Variants in MBP observed in about 807,000 individuals in gnomAD.
MBP encodes myelin basic protein.
MBP carries 16 observed loss-of-function variants against 35.8 expected under a neutral mutation model. That is an observed-to-expected ratio of 0.45 (90% CI 0.30 to 0.68). MBP has a LOEUF of 0.68. Among genes scored for constraint, MBP ranks in the 30% least tolerant of loss-of-function variants. The probability of loss-of-function intolerance (pLI) is 0.08; values close to 1 mark genes in which losing one functional copy is unlikely to be tolerated. For missense variants in MBP, 380 were observed against 404.7 expected, an observed-to-expected ratio of 0.94 and a Z score of 0.52; for synonymous variants, 143 against 159.6, an observed-to-expected ratio of 0.90 and a Z score of 0.78.
chr18:77,029,254 T>C (rs958110425), intron 3 of MBP, among the ~76,000 whole-genome samples: 15 of 148,078 alleles, frequency 1.0e-4, no homozygotes, highest in African/African-American at 3.7e-4. Flanking sequence ...ACCAAAAAAA[T>C]ACGAAAACCA....
chr18:77,015,375 C>T (rs1225740119), intron 4 of MBP: 4 of 985,162 alleles, frequency 4.1e-6, no homozygotes, highest in South Asian at 4.7e-5. Flanking sequence ...TTGGGCAACC[C>T]GAATCCATAC....
Position 77,044,510 on chromosome 18 carries a change from C to T in MBP, c.139+21788G>A, listed in dbSNP as rs143378212. Among the ~76,000 whole-genome samples the T allele has an allele frequency of 1.5e-3, 223 of 152,190 alleles. 2 individuals are homozygous for T. Among genetic ancestry groups the T allele is most frequent in the African/African-American group, 5.2e-3 (215 of 41,522 alleles). Reference sequence around the variant, plus strand: ...CTCTCCCTGTACAGGCCTTCCTGACCCCTCGTCCCTGGAAAGCCCTCTCCA... The same window carrying T: ...CTCTCCCTGTACAGGCCTTCCTGACTCCTCGTCCCTGGAAAGCCCTCTCCA... On this transcript the variant is annotated intron_variant, in intron 3 of 8. Coordinates refer to ENST00000355994, the MANE Select transcript of MBP (RefSeq NM_001025101.2). The surrounding 1 kb of genome is among the most constrained non-coding windows in gnomAD (Gnocchi z 4.4).
At chr18:77,106,717 G>A (rs1210681230) in intron 1 of MBP, among the ~76,000 whole-genome samples, 1 of 152,164 alleles carries the variant, frequency 6.6e-6, no homozygotes, top group East Asian at 1.9e-4. Context: ...GCAAGAATCA[G>A]GTGCCTTCCC....
intron 2 of MBP, among the ~76,000 whole-genome samples, chr18:77,075,123 C>T (rs1974601033): frequency 6.6e-6 from 1 of 152,222 alleles, no homozygotes; most frequent in African/African-American, 2.4e-5. Context: ...GAAAGGGCTT[C>T]TGTCACGGCA....
At chr18:77,018,351 TC>T in intron 3 of MBP, among the ~76,000 whole-genome samples, 1 of 110,304 alleles carries the variant, frequency 9.1e-6, no homozygotes. Flanking sequence ...TATCCATCCA[TC>T]CATACACATA....
chr18:77,087,813 A>G (rs920027969), intron 2 of MBP, among the ~76,000 whole-genome samples: 39 of 151,932 alleles, frequency 2.6e-4, no homozygotes, highest in African/African-American at 8.9e-4. Context: ...GTCCCGGGGC[A>G]GCTGGGAGCA....
At chr18:77,035,008 C>T (rs1258939722) in intron 3 of MBP, among the ~76,000 whole-genome samples, 1 of 152,222 alleles carries the variant, frequency 6.6e-6, no homozygotes, top group East Asian at 1.9e-4. Context: ...TTCAAGACTC[C>T]TCAGGGGCTT....
At chr18:77,104,732 A>G (rs999240772) in intron 2 of MBP, among the ~76,000 whole-genome samples, 47 of 147,732 alleles carry the variant, frequency 3.2e-4, no homozygotes, top group Non-Finnish European at 5.7e-4. Context: ...AAAAATAAAA[A>G]TGTTAAAAAA....
intron 3 of MBP, among the ~76,000 whole-genome samples, chr18:77,063,348 T>C (rs1457734891): frequency 1.3e-5 from 2 of 152,128 alleles, no homozygotes; most frequent in Non-Finnish European, 2.9e-5. Flanking sequence ...CACTTGGGAT[T>C]GTTGCTGCTA....
intron 3 of MBP, among the ~76,000 whole-genome samples, chr18:77,018,468 TCCATCCATCCACATATCAGTCCATTTAC>T (rs1272023851): frequency 6.9e-6 from 1 of 143,944 alleles, no homozygotes; most frequent in Non-Finnish European, 1.5e-5. Flanking sequence ...CCATTCGTCA[TCCATCCATCCACATATCAGTCCATTTAC>T]CCATCCATCC....
rs373529392 is a variant in MBP at position 77,067,049 on chromosome 18, G to A, written c.52-664C>T. Among the ~76,000 whole-genome samples the A allele has an allele frequency of 2.6e-5, 4 of 152,356 alleles. No homozygotes were observed. The East Asian group carries it at 5.8e-4, about 22-fold the overall frequency. On this transcript the variant is annotated intron_variant, in intron 2 of 8. Transcript: ENST00000355994. ...GTTTAAAGTTTTCAGTACATAGTTT[G>A]ATCACCAGTGCAGAGAGAAGACATG...
chr18:77,035,172 G>A (rs1972707872), intron 3 of MBP, among the ~76,000 whole-genome samples: 1 of 152,166 alleles, frequency 6.6e-6, no homozygotes, highest in South Asian at 2.1e-4. Context: ...TGCTTCTCCA[G>A]GTGGCTGCTT....
chr18:77,096,645 G>C (rs1350388579), intron 2 of MBP, among the ~76,000 whole-genome samples: 1 of 152,088 alleles, frequency 6.6e-6, no homozygotes, highest in Non-Finnish European at 1.5e-5. Context: ...GAACCTTTTT[G>C]AGCCTGATAT....
chr18:77,027,748 CT>C, intron 3 of MBP, among the ~76,000 whole-genome samples: 1 of 152,308 alleles, frequency 6.6e-6, no homozygotes, highest in East Asian at 1.9e-4. Context: ...AGTGCAGTGG[CT>C]TGATAATAGC....
intron 1 of MBP, among the ~76,000 whole-genome samples, chr18:77,124,413 A>AT (rs1976979384): frequency 1.3e-5 from 2 of 152,210 alleles, no homozygotes; most frequent in Admixed American, 1.3e-4. Context: ...AATCGCTAGA[A>AT]TAACTCTTCT....
chr18:77,097,824 C>T (rs950671508), intron 2 of MBP, among the ~76,000 whole-genome samples: 12 of 152,116 alleles, frequency 7.9e-5, no homozygotes, highest in African/African-American at 2.7e-4. Flanking sequence ...CTGGGTGGAG[C>T]CGGTATTAGG....
chr18:77,106,487 G>A (rs1323741260), intron 1 of MBP, among the ~76,000 whole-genome samples: 1 of 152,098 alleles, frequency 6.6e-6, no homozygotes, highest in Non-Finnish European at 1.5e-5. Flanking sequence ...CCTCCCTCAC[G>A]TGTGTGGGAG....
chr18:77,056,594 A>T (rs79126682), intron 3 of MBP, among the ~76,000 whole-genome samples: 25,876 of 152,136 alleles, frequency 0.17, 2,508 homozygotes, highest in Middle Eastern at 0.26. Flanking sequence ...ACCGGCCTCC[A>T]TCCGATGTCC....
At chr18:77,117,606 TAA>T (rs886561449) in intron 1 of MBP, among the ~76,000 whole-genome samples, 13 of 151,924 alleles carry the variant, frequency 8.6e-5, no homozygotes, top group African/African-American at 2.4e-4. Flanking sequence ...GAAATTATAA[TAA>T]AGTGTCTGAA....
Sources: gnomAD v4.1 joint callset for allele counts (sites outside exome capture counted in the v4.1 genomes callset) on GRCh38, gnomAD v4.1.1 for gene constraint, Gnocchi (gnomAD v3.1) non-coding constraint, MANE v1.5 for transcripts, NCBI Gene and HGNC (gene_info 2026-07-23, HGNC 2026-07-21) for gene names.